DRC7: variants seen among roughly 807,000 people sequenced by gnomAD.
DRC7 encodes the protein coiled-coil domain containing 135.
DRC7 carries 80 observed loss-of-function variants against 104.4 expected under a neutral mutation model. That is an observed-to-expected ratio of 0.77 (90% CI 0.64 to 0.92). The LOEUF (loss-of-function observed/expected upper bound fraction) is 0.92. Ranked by LOEUF, DRC7 falls within the 40% of genes least tolerant of loss-of-function variation. DRC7 has a pLI of 0.00. For synonymous variants in DRC7, 405 were observed against 447.3 expected (o/e 0.91, Z 1.19); for missense variants, 1,034 against 1,141.1 (o/e 0.91, Z 1.35).
At chr16:57,703,097 G>A (rs970715100) in intron 6 of DRC7, among the ~76,000 whole-genome samples, 1 of 150,372 alleles carries the variant, frequency 6.7e-6, no homozygotes, top group Non-Finnish European at 1.5e-5. Flanking sequence ...CAGGCTGGTC[G>A]TGAACTCCTG....
Position 57,697,984 on chromosome 16 carries a change from A to C in DRC7, c.35A>C (p.Glu12Ala). Residue 12 changes from glutamate (E) to alanine (A), a missense_variant, in exon 3 of 19, where the codon GAG (glutamate) becomes GCG (alanine). Transcript: ENST00000360716. ...EVLREKVEEE[E>A]EAEREEAAEW... is the part of the protein sequence containing the mutation. ...CTGAGGGAGAAGGTGGAGGAGGAGG[A>C]GGAGGCCGAGCGGGAGGAGGCGGCC... is the stretch of plus-strand genomic sequence containing the variant. 1 of 1,613,356 alleles carries C rather than the reference A, an allele frequency of 6.2e-7. No homozygotes were observed. The highest frequency in any genetic ancestry group is 8.5e-7 in the Non-Finnish European group (1 of 1,179,994).
chr16:57,719,340 T>G (rs1460755055), intron 9 of DRC7, among the ~76,000 whole-genome samples: 2 of 152,184 alleles, frequency 1.3e-5, no homozygotes, highest in Admixed American at 1.3e-4. Context: ...GAAATTAATT[T>G]TCTTACAGTT....
At chr16:57,703,935 C>G (rs1018336198) in intron 6 of DRC7, among the ~76,000 whole-genome samples, 1 of 145,632 alleles carries the variant, frequency 6.9e-6, no homozygotes, top group Non-Finnish European at 1.5e-5. Flanking sequence ...CCATTGCACT[C>G]CAGCCTGGGC....
chr16:57,705,852 AC>A (rs1205583419), intron 7 of DRC7, among the ~76,000 whole-genome samples: 1 of 111,544 alleles, frequency 9.0e-6, no homozygotes, highest in Non-Finnish European at 1.8e-5. Context: ...CCATCTATCC[AC>A]CCTCCTACCC....
intron 17 of DRC7, among the ~76,000 whole-genome samples, chr16:57,730,047 CGGATGGAT>C (rs373900512): frequency 1.1e-5 from 1 of 89,908 alleles, no homozygotes; most frequent in Non-Finnish European, 2.1e-5. Context: ...GACGGATGGA[CGGATGGAT>C]GGATGGATGG....
rs569634852 is a variant in DRC7 at position 57,697,203 on chromosome 16, G to A, written c.-38+609G>A. 6.0e-5 allele frequency among the ~76,000 whole-genome samples: 9 copies of A among 151,124 alleles called. No homozygotes were observed. The South Asian group carries it at 1.5e-3, about 25-fold the overall frequency. ...GCTGGGATCACAGGCATGAGCCACCGCACCCAGCCAATTCATTTATTTAAA... is the reference window on the plus strand; with the variant it reads ...GCTGGGATCACAGGCATGAGCCACCACACCCAGCCAATTCATTTATTTAAA... On this transcript the variant is annotated intron_variant, in intron 2 of 18. Coordinates refer to ENST00000360716, the MANE Select transcript of DRC7 (RefSeq NM_001289162.2).
intron 8 of DRC7, among the ~76,000 whole-genome samples, chr16:57,711,944 GCA>G (rs772521385): frequency 4.6e-5 from 7 of 152,224 alleles, no homozygotes; most frequent in Non-Finnish European, 1.0e-4. Context: ...AATATCTCAA[GCA>G]CTGATCTTAG....
At chr16:57,708,362 A>G (rs2048755719) in intron 8 of DRC7, among the ~76,000 whole-genome samples, 1 of 152,170 alleles carries the variant, frequency 6.6e-6, no homozygotes, top group South Asian at 2.1e-4. Context: ...TGAATCACAC[A>G]GTGATTCAAT....
intron 17 of DRC7, 25 bp downstream of exon 17, chr16:57,728,609 AG>A (rs111310871): frequency 2.3e-5 from 35 of 1,536,710 alleles, no homozygotes; most frequent in South Asian, 9.6e-5. Context: ...TTTGTTGGGG[AG>A]GGGGGGATCT....
At chr16:57,725,954 C>T (rs1187819425) in intron 13 of DRC7, 114 bp from the exon 14 acceptor site, 4 of 901,342 alleles carry the variant, frequency 4.4e-6, no homozygotes, top group Non-Finnish European at 7.0e-6. Context: ...AATCGCCAAA[C>T]GACCCCAGAC....
chr16:57,718,852 G>T (rs1159954537), intron 9 of DRC7, among the ~76,000 whole-genome samples: 1 of 152,024 alleles, frequency 6.6e-6, no homozygotes, highest in Admixed American at 6.6e-5. Flanking sequence ...AGCTGGCTGT[G>T]GTGGCATGCA....
At chr16:57,707,205 C>T (rs1466726194) in intron 7 of DRC7, among the ~76,000 whole-genome samples, 1 of 152,214 alleles carries the variant, frequency 6.6e-6, no homozygotes, top group Admixed American at 6.5e-5. Context: ...CCGGTAACCC[C>T]CAGATGCCCA....
intron 12 of DRC7, among the ~76,000 whole-genome samples, chr16:57,723,486 G>A (rs573059681): frequency 1.3e-5 from 2 of 152,166 alleles, no homozygotes; most frequent in Non-Finnish European, 2.9e-5. Context: ...TAATCCAAGC[G>A]CTTTGGGAGG....
intron 5 of DRC7, 70 bp downstream of exon 5, chr16:57,700,340 C>A: frequency 1.3e-6 from 2 of 1,537,182 alleles, no homozygotes; most frequent in Non-Finnish European, 8.8e-7. Context: ...CAAACTCACC[C>A]ATCCAAACCC....
At chr16:57,712,110 T>G (rs1276239102) in intron 8 of DRC7, among the ~76,000 whole-genome samples, 2 of 152,190 alleles carry the variant, frequency 1.3e-5, no homozygotes, top group Admixed American at 1.3e-4. Flanking sequence ...TATAATAAAC[T>G]AAGTTTCTCC....
chr16:57,702,667 G>A (rs1295984528), intron 6 of DRC7, among the ~76,000 whole-genome samples: 1 of 152,076 alleles, frequency 6.6e-6, no homozygotes, highest in Non-Finnish European at 1.5e-5. Flanking sequence ...CACGCATGGT[G>A]GCATGTGCCT....
At chr16:57,715,434 G>T (rs1408504086) in intron 8 of DRC7, among the ~76,000 whole-genome samples, 2 of 152,200 alleles carry the variant, frequency 1.3e-5, no homozygotes, top group Non-Finnish European at 1.5e-5. Context: ...AGCCCCTGCG[G>T]GAGACAGGCA....
rs1429646301 is a variant in DRC7, at chr16:57,723,048, C to T, written c.1455C>T (p.Asp485=). ...EIKEWYQNRE[D]MLELKHINKT... is the part of the protein sequence containing the mutation. ...AGGAGTGGTACCAGAACCGGGAAGA[C>T]ATGCTGGAGCTGAAACACATAAACA... The change falls in exon 12 of 19, where the codon GAC becomes GAT. Residue 485 remains aspartate, a synonymous_variant. Transcript: ENST00000360716. 6.2e-7 allele frequency: 1 copy of T among 1,613,906 alleles called. No individual in the cohort carries two copies. Among genetic ancestry groups the T allele is most frequent in the Non-Finnish European group, 8.5e-7 (1 of 1,180,010 alleles).
Position 57,731,172 on chromosome 16 carries a change from G to C in DRC7, c.2539G>C (p.Glu847Gln). 6.2e-7 allele frequency: 1 copy of C among 1,613,866 alleles called. No individual in the cohort carries two copies. ...ILEQRLNRHKELAPLKYLALE... is the reference protein window; with the variant it reads ...ILEQRLNRHKQLAPLKYLALE... Reference sequence around the variant, plus strand: ...TTGCCTCTCTGACTTCAGACACAAGGAACTGGCCCCACTGAAGTACCTGGC... The same window carrying C: ...TTGCCTCTCTGACTTCAGACACAAGCAACTGGCCCCACTGAAGTACCTGGC... Residue 847 changes from glutamate (E) to glutamine (Q), a missense_variant, in exon 19 of 19, where the codon GAA (glutamate) becomes CAA (glutamine). Coordinates refer to ENST00000360716, the MANE Select transcript of DRC7 (RefSeq NM_001289162.2).
Sources: allele counts gnomAD v4.1 joint callset (sites outside exome capture counted in the v4.1 genomes callset), GRCh38; gene constraint gnomAD v4.1.1; transcripts MANE v1.5; gene names NCBI Gene and HGNC (gene_info 2026-07-23, HGNC 2026-07-21).